The following ACVR2A variants were observed in gnomAD, a reference collection of about 807,000 sequenced individuals.
ACVR2A encodes activin A receptor type 2A, also known as activin receptor type-2A.
A neutral mutation model predicts 61.4 loss-of-function variants in ACVR2A; 7 were observed. The ratio of observed to expected loss-of-function variants is 0.11; its 90% CI spans 0.06 to 0.21. ACVR2A has a LOEUF of 0.21. Among genes scored for constraint, ACVR2A ranks in the 10% least tolerant of loss-of-function variants. The probability of loss-of-function intolerance (pLI) is 1.00; values close to 1 mark genes in which losing one functional copy is unlikely to be tolerated. For missense variants in ACVR2A, 322 were observed against 621.7 expected (o/e 0.52, Z 5.13); for synonymous variants, 193 against 208.3 (o/e 0.93, Z 0.63).
In ACVR2A at chr2:147,845,189, C is replaced by G; in HGVS notation, c.37C>G (p.Leu13Val). The G allele has an allele frequency of 6.2e-7, 1 of 1,613,120 alleles. No individual in the cohort carries two copies. Among genetic ancestry groups the G allele is most frequent in the Non-Finnish European group, 8.5e-7 (1 of 1,179,846 alleles). Residue 13 changes from leucine (L) to valine (V), a missense_variant, in exon 1 of 11, where the codon CTT (leucine) becomes GTT (valine). Transcript: ENST00000241416. Reference sequence around the variant, plus strand: ...TGCAAAGTTGGCGTTTGCCGTCTTTCTTATCTCCTGTTCTTCAGGTAGGTG... The same window carrying G: ...TGCAAAGTTGGCGTTTGCCGTCTTTGTTATCTCCTGTTCTTCAGGTAGGTG... The part of the protein sequence containing the change: ...AAAKLAFAVF[L>V]ISCSSGAILG...
At chr2:147,883,478 AC>A (rs1312157945) in intron 1 of ACVR2A, among the ~76,000 whole-genome samples, 1 of 152,226 alleles carries the variant, frequency 6.6e-6, no homozygotes, top group Non-Finnish European at 1.5e-5. Context: ...GGCATGAGCC[AC>A]TGTGCCTGGC....
At chr2:147,894,364 A>C (rs956487246) in intron 1 of ACVR2A, among the ~76,000 whole-genome samples, 1 of 152,148 alleles carries the variant, frequency 6.6e-6, no homozygotes, top group African/African-American at 2.4e-5. Flanking sequence ...TTGTTTTTCA[A>C]ATAGACAAGA....
At chr2:147,905,017 T>A (rs1686954830) in intron 4 of ACVR2A, among the ~76,000 whole-genome samples, 1 of 152,040 alleles carries the variant, frequency 6.6e-6, no homozygotes, top group Admixed American at 6.6e-5. Context: ...CATTTAAAAT[T>A]CTCTTCTAAT....
At chr2:147,847,773 C>G (rs1048925371) in intron 1 of ACVR2A, among the ~76,000 whole-genome samples, 1 of 152,166 alleles carries the variant, frequency 6.6e-6, no homozygotes, top group East Asian at 1.9e-4. Flanking sequence ...TTTCATTCCT[C>G]TCATACTTTC....
chr2:147,874,169 A>G (rs184998762), intron 1 of ACVR2A, among the ~76,000 whole-genome samples: 42 of 151,946 alleles, frequency 2.8e-4, no homozygotes, highest in Non-Finnish European at 4.4e-4. Context: ...GTCACAGTAT[A>G]TAAGTGGTTA....
intron 2 of ACVR2A, among the ~76,000 whole-genome samples, chr2:147,898,790 C>T (rs1686804679): frequency 6.6e-6 from 1 of 151,804 alleles, no homozygotes; most frequent in Admixed American, 6.6e-5. Context: ...TAATTCTAAT[C>T]CGTTTGAGTT....
intron 3 of ACVR2A, 31 bp downstream of exon 3, chr2:147,899,598 C>T (rs917029981): frequency 1.4e-5 from 22 of 1,600,000 alleles, no homozygotes; most frequent in Middle Eastern, 1.7e-4. Flanking sequence ...CGTAGGTTTG[C>T]TCAACTGTAG....
intron 1 of ACVR2A, among the ~76,000 whole-genome samples, chr2:147,854,343 T>C (rs1685517848): frequency 6.6e-6 from 1 of 152,202 alleles, no homozygotes; most frequent in Non-Finnish European, 1.5e-5. Context: ...TATCTTTTTT[T>C]CTTGGACAAC....
chr2:147,848,816 TAAAAA>T (rs1005547009), intron 1 of ACVR2A, among the ~76,000 whole-genome samples: 2 of 149,766 alleles, frequency 1.3e-5, no homozygotes, highest in African/African-American at 4.9e-5. Flanking sequence ...AAATACAAAT[TAAAAA>T]AAAAGGAAAA....
chr2:147,923,177 T>A, intron 9 of ACVR2A, 66 bp downstream of exon 9: 3 of 1,381,074 alleles, frequency 2.2e-6, no homozygotes, highest in Non-Finnish European at 3.0e-6. Context: ...AAAGGGATGA[T>A]ACACTCCAAG....
intron 1 of ACVR2A, among the ~76,000 whole-genome samples, chr2:147,865,255 C>T (rs1280395722): frequency 6.6e-6 from 1 of 152,134 alleles, no homozygotes; most frequent in Non-Finnish European, 1.5e-5. Flanking sequence ...TTTTTCCTCT[C>T]ACCGTCCAGT....
intron 1 of ACVR2A, among the ~76,000 whole-genome samples, chr2:147,849,385 A>T (rs1356033959): frequency 6.6e-6 from 1 of 152,152 alleles, no homozygotes; most frequent in Non-Finnish European, 1.5e-5. Flanking sequence ...AATAGTTTCA[A>T]GGTAGAAATT....
intron 1 of ACVR2A, among the ~76,000 whole-genome samples, chr2:147,865,351 A>T (rs565885001): frequency 9.2e-5 from 14 of 152,336 alleles, no homozygotes; most frequent in African/African-American, 3.4e-4. Context: ...AGTAAGTGAC[A>T]TAATTCTCTC....
chr2:147,917,477 C>A, intron 6 of ACVR2A, 51 bp downstream of exon 6: 2 of 1,584,118 alleles, frequency 1.3e-6, no homozygotes, highest in Non-Finnish European at 1.7e-6. Flanking sequence ...GGCCTGCCTA[C>A]CTAATGCTGG....
At chr2:147,922,932 G>GT in intron 8 of ACVR2A, 41 bp from the exon 9 acceptor site, 1 of 1,582,674 alleles carries the variant, frequency 6.3e-7, no homozygotes, top group Non-Finnish European at 8.6e-7. Flanking sequence ...AGTTCATAAA[G>GT]TTAATGAATG....
chr2:147,898,233 A>G (rs551696200), intron 2 of ACVR2A: 3 of 152,262 alleles, frequency 2.0e-5, no homozygotes, highest in African/African-American at 7.2e-5. Context: ...TTGATTGAAA[A>G]CAAATAGGAT....
chr2:147,849,426 C>G (rs527558374), intron 1 of ACVR2A, among the ~76,000 whole-genome samples: 1 of 152,110 alleles, frequency 6.6e-6, no homozygotes, highest in East Asian at 1.9e-4. Context: ...TTTCTTTTGT[C>G]TAGCTAACTT....
At chr2:147,916,540 T>C (rs147739630) in intron 5 of ACVR2A, among the ~76,000 whole-genome samples, 22 of 152,060 alleles carry the variant, frequency 1.4e-4, no homozygotes, top group African/African-American at 5.1e-4. Flanking sequence ...TTCTACTTAA[T>C]GAGGACACTG....
chr2:147,873,234 C>T (rs1573923349), intron 1 of ACVR2A, among the ~76,000 whole-genome samples: 1 of 151,822 alleles, frequency 6.6e-6, no homozygotes, highest in African/African-American at 2.4e-5. Flanking sequence ...AAAAGAAATG[C>T]AATGCCAGCA....
Sources: gnomAD v4.1 joint callset for allele counts (sites outside exome capture counted in the v4.1 genomes callset) on GRCh38, gnomAD v4.1.1 for gene constraint, MANE v1.5 for transcripts, NCBI Gene and HGNC (gene_info 2026-07-23, HGNC 2026-07-21) for gene names.